Variants in LRRCC1 observed in about 807,000 individuals in gnomAD.
LRRCC1 encodes leucine-rich repeat and coiled-coil domain-containing protein 1.
Under a neutral mutation model 126.0 loss-of-function variants are expected in LRRCC1, and 115 were observed. The ratio of observed to expected loss-of-function variants is 0.91; its 90% CI spans 0.78 to 1.07. The LOEUF is 1.07. LRRCC1 is among the 50% of genes least tolerant of loss of function. LRRCC1 has a pLI of 0.00. For synonymous variants in LRRCC1, 400 were observed against 393.4 expected (o/e 1.02, Z -0.20); for missense variants, 1,172 against 1,175.7 (o/e 1.00, Z 0.05).
Position 85,115,459 on chromosome 8 carries a change from G to A in LRRCC1, c.805G>A (p.Val269Met), listed in dbSNP as rs1563932556. Residue 269 changes from valine (V) to methionine (M), a missense_variant, in exon 6 of 19, where the codon GTG (valine) becomes ATG (methionine). Val to Met is a conservative substitution (Grantham distance 21). Transcript: ENST00000360375. ...GTTTGCAAGTACACCAAGTGATGCT[G>A]TGTTGACGTCTTTTATGTCTGTGTG... ...EQFASTPSDA[V>M]LTSFMSVCQS... is the part of the protein sequence containing the mutation. The A allele has an allele frequency of 3.7e-6, 6 of 1,613,356 alleles. No individual in the cohort carries two copies. In the Admixed American group the frequency reaches 1.0e-4, roughly 27 times the overall value.
Position 85,137,533 on chromosome 8 carries a change from G to C in LRRCC1, c.2399G>C (p.Cys800Ser). The C allele has an allele frequency of 1.9e-6, 3 of 1,570,690 alleles. No homozygotes were observed. The highest frequency in any genetic ancestry group is 2.6e-6 in the Non-Finnish European group (3 of 1,162,946). Reference sequence around the variant, plus strand: ...GAGAGTTTATCTAGAGAGAATGAATGTCTGCGAAAGACAAATGAAAGTGAT... The same window carrying C: ...GAGAGTTTATCTAGAGAGAATGAATCTCTGCGAAAGACAAATGAAAGTGAT... ...QIESLSRENECLRKTNESDSD... is the reference protein window; with the variant it reads ...QIESLSRENESLRKTNESDSD... The change falls in exon 15 of 19, where the codon TGT becomes TCT. Residue 800 changes from cysteine (C) to serine (S), a missense_variant. Physicochemically the swap from Cys to Ser is moderately radical, Grantham distance 112 (BLOSUM62 -1). Coordinates refer to ENST00000360375, the MANE Select transcript of LRRCC1 (RefSeq NM_033402.5).
rs1400711958 is a variant in LRRCC1, at chr8:85,115,106, G to A, written c.551G>A (p.Arg184Lys). Reference protein sequence around the residue: ...DNPVCRLPGYRAVILQTLPQL... With the variant: ...DNPVCRLPGYKAVILQTLPQL... ...TGAATGATTTGTTTCCAAGGGTACAGAGCAGTTATTCTCCAGACTTTGCCA... is the reference window on the plus strand; with the variant it reads ...TGAATGATTTGTTTCCAAGGGTACAAAGCAGTTATTCTCCAGACTTTGCCA... Residue 184 changes from arginine to lysine, a missense_variant, in exon 5 of 19, where the codon AGA (arginine) becomes AAA (lysine). Arg to Lys is a conservative substitution (Grantham distance 26). Transcript: ENST00000360375. The A allele has an allele frequency of 6.3e-7, 1 of 1,599,014 alleles. No individual in the cohort carries two copies. The highest frequency in any genetic ancestry group is 1.1e-5 in the South Asian group (1 of 88,458).
At chr8:85,119,913 G>GA (rs1399188189) in intron 6 of LRRCC1, among the ~76,000 whole-genome samples, 1 of 151,960 alleles carries the variant, frequency 6.6e-6, no homozygotes, top group African/African-American at 2.4e-5. Context: ...CACAAATTTT[G>GA]GTATGTTTTG....
chr8:85,111,056 T>G (rs2135915459), intron 3 of LRRCC1, among the ~76,000 whole-genome samples: 1 of 152,344 alleles, frequency 6.6e-6, no homozygotes, highest in Non-Finnish European at 1.5e-5. Context: ...AAACCTTTTT[T>G]CCTCTTAAAG....
At chr8:85,115,662 G>A (rs1430368389) in intron 6 of LRRCC1, 78 bp downstream of exon 6, 1 of 1,089,866 alleles carries the variant, frequency 9.2e-7, no homozygotes, top group Admixed American at 2.3e-5. Context: ...TAAAAATTAT[G>A]TACTAGCTGA....
intron 8 of LRRCC1, 58 bp downstream of exon 8, chr8:85,124,997 A>C: frequency 7.8e-7 from 1 of 1,287,570 alleles, no homozygotes; most frequent in Non-Finnish European, 1.1e-6. Flanking sequence ...ACAGAGTCCC[A>C]GAAAAATTAT....
intron 17 of LRRCC1, 41 bp downstream of exon 17, chr8:85,138,516 G>C: frequency 3.8e-6 from 6 of 1,566,198 alleles, no homozygotes; most frequent in Non-Finnish European, 5.2e-6. Flanking sequence ...CTCCTTAATC[G>C]TAAACACTGT....
chr8:85,141,664 C>A, intron 18 of LRRCC1, 147 bp downstream of exon 18: 1 of 601,262 alleles, frequency 1.7e-6, no homozygotes, highest in Non-Finnish European at 2.7e-6. Context: ...TATCCTAAAA[C>A]CAGGGTAAAA....
At chr8:85,138,510 T>C in intron 17 of LRRCC1, 35 bp downstream of exon 17, 2 of 1,586,074 alleles carry the variant, frequency 1.3e-6, no homozygotes. Context: ...TGAGATCTCC[T>C]TAATCGTAAA....
Position 85,134,872 on chromosome 8 carries a change from C to G in LRRCC1, c.1994C>G (p.Ala665Gly). The change falls in exon 13 of 19, where the codon GCA (alanine) becomes GGA (glycine). Residue 665 changes from alanine to glycine, a missense_variant. Transcript: ENST00000360375. ...GTTAAAGATGGTTTTGAAAATGTTG[C>G]AACTGAGTTAGCAAAGAGCAAACAT... ...QDVKDGFENV[A>G]TELAKSKHAL... 6.4e-7 allele frequency: 1 copy of G among 1,573,450 alleles called. No homozygotes were observed. Among genetic ancestry groups the G allele is most frequent in the South Asian group, 1.2e-5 (1 of 82,964 alleles).
chr8:85,141,389 A>G lies in LRRCC1; in HGVS notation c.2848A>G (p.Met950Val), dbSNP rs556474538. ...TGTTCTTGTTTTTTTAAGGAATGCA[A>G]TGGAAAAACTTCATAGTATGGATGA... The part of the protein sequence containing the change: ...DKSIELQKNA[M>V]EKLHSMDDAF... The change falls in exon 18 of 19, where the codon ATG becomes GTG. Residue 950 changes from methionine to valine, a missense_variant. Coordinates refer to ENST00000360375, the MANE Select transcript of LRRCC1 (RefSeq NM_033402.5). The G allele has an allele frequency of 2.5e-6, 4 of 1,611,200 alleles. No individual in the cohort carries two copies. Among genetic ancestry groups the G allele is most frequent in the East Asian group, 2.2e-5 (1 of 44,752 alleles).
In LRRCC1 at chr8:85,129,979, C is replaced by T; in HGVS notation, c.1687C>T (p.Leu563Phe). The T allele has an allele frequency of 1.2e-6, 2 of 1,603,676 alleles. No homozygotes were observed. The highest frequency in any genetic ancestry group is 1.7e-6 in the Non-Finnish European group (2 of 1,176,108). The change falls in exon 11 of 19, where the codon CTT (leucine) becomes TTT (phenylalanine). Residue 563 changes from leucine (L) to phenylalanine (F), a missense_variant. Transcript: ENST00000360375. ...AGCTGCCGATAGAGAAATATACTTA[C>T]TTAGAACTTCCCTTCATCGAGAAAG... ...ASAADREIYL[L>F]RTSLHREREQ...
chr8:85,127,802 G>C (rs996786856), intron 9 of LRRCC1, among the ~76,000 whole-genome samples: 1 of 152,154 alleles, frequency 6.6e-6, no homozygotes, highest in African/African-American at 2.4e-5. Context: ...GTTATCACTA[G>C]CCCTTCTACC....
intron 14 of LRRCC1, 54 bp from the exon 15 acceptor site, chr8:85,137,410 A>T (rs1810947312): frequency 2.5e-6 from 3 of 1,191,822 alleles, no homozygotes; most frequent in Non-Finnish European, 3.5e-6. Flanking sequence ...GTTTAATAAG[A>T]TACAAACCCC....
chr8:85,138,548 A>C lies in LRRCC1; in HGVS notation c.2840+73A>C, dbSNP rs1811035546. 6 of 1,408,926 alleles carry C rather than the reference A, an allele frequency of 4.3e-6. No individual in the cohort carries two copies. In the East Asian group the frequency reaches 1.2e-4, roughly 27 times the overall value. 87.3% of individuals were successfully genotyped at this position (1,408,926 alleles called of 1,614,324 possible). On this transcript the variant is annotated intron_variant, in intron 17 of 18. Transcript: ENST00000360375. ...CTGTGGAATGGGTGAAATACGTATA[A>C]AGAGAGGAGGGCTAAAAATCATGTA...
intron 6 of LRRCC1, among the ~76,000 whole-genome samples, chr8:85,118,275 T>G (rs1211274327): frequency 6.6e-6 from 1 of 152,086 alleles, no homozygotes; most frequent in Non-Finnish European, 1.5e-5. Flanking sequence ...ATTGTCTTGT[T>G]GAAGGTTTTA....
At chr8:85,133,575 C>T (rs1810643884) in intron 12 of LRRCC1, among the ~76,000 whole-genome samples, 1 of 152,148 alleles carries the variant, frequency 6.6e-6, no homozygotes, top group African/African-American at 2.4e-5. Context: ...TTTCTCCTGT[C>T]CCAGTTAAAG....
intron 14 of LRRCC1, 45 bp from the exon 15 acceptor site, chr8:85,137,419 C>A: frequency 7.6e-7 from 1 of 1,323,992 alleles, no homozygotes; most frequent in East Asian, 2.6e-5. Context: ...GATACAAACC[C>A]CCAAGGTGTT....
intron 15 of LRRCC1, 77 bp from the exon 16 acceptor site, chr8:85,137,958 A>C (rs1810987798): frequency 1.4e-6 from 1 of 730,968 alleles, no homozygotes; most frequent in Admixed American, 3.2e-5. Flanking sequence ...TAAAGGATAA[A>C]TTAAACCATA....
Sources: gnomAD v4.1 joint callset for allele counts (sites outside exome capture counted in the v4.1 genomes callset) on GRCh38, gnomAD v4.1.1 for gene constraint, MANE v1.5 for transcripts, NCBI Gene and HGNC (gene_info 2026-07-23, HGNC 2026-07-21) for gene names.